The following LARGE1 variants were observed in gnomAD, a reference collection of about 807,000 sequenced individuals.
LARGE1 encodes the protein xylosyl- and glucuronyltransferase LARGE1.
Under a neutral mutation model 87.6 loss-of-function variants are expected in LARGE1, and 43 were observed. The observed-to-expected ratio is 0.49, with a 90% CI of 0.38 to 0.63. The LOEUF (loss-of-function observed/expected upper bound fraction) is 0.63. Among genes scored for constraint, LARGE1 ranks in the 30% least tolerant of loss-of-function variants. The pLI is 0.00. For missense variants in LARGE1, 802 were observed against 1,000.2 expected (o/e 0.80, Z 2.67); for synonymous variants, 434 against 394.6 (o/e 1.10, Z -1.18).
intron 11 of LARGE1, among the ~76,000 whole-genome samples, chr22:33,179,037 T>A (rs7286587): frequency 0.026 from 3,899 of 152,270 alleles, 180 homozygotes; most frequent in African/African-American, 0.09. Flanking sequence ...CAAGAGCATG[T>A]GTGTCAGCCC....
intron 6 of LARGE1, among the ~76,000 whole-genome samples, chr22:33,502,647 C>T (rs1446438150): frequency 2.6e-5 from 4 of 152,068 alleles, no homozygotes; most frequent in Non-Finnish European, 5.9e-5. Context: ...CGGCTCACTG[C>T]AAGCTCCGCC....
At chr22:33,752,951 G>A (rs1272253021) in intron 2 of LARGE1, among the ~76,000 whole-genome samples, 2 of 152,228 alleles carry the variant, frequency 1.3e-5, no homozygotes, top group Admixed American at 6.5e-5. Flanking sequence ...GCCAGGTGGG[G>A]CAGCTCACGC....
intron 1 of LARGE1, among the ~76,000 whole-genome samples, chr22:33,801,378 T>G (rs2086155615): frequency 6.6e-6 from 1 of 152,204 alleles, no homozygotes; most frequent in Non-Finnish European, 1.5e-5. Flanking sequence ...CATCTGATAT[T>G]GTCAGCAAAT....
intron 6 of LARGE1, among the ~76,000 whole-genome samples, chr22:33,462,835 A>G (rs1442792792): frequency 6.6e-6 from 1 of 152,190 alleles, no homozygotes; most frequent in Non-Finnish European, 1.5e-5. Flanking sequence ...CTATCTAATT[A>G]ATGAAATTTG....
At chr22:33,782,758 G>A (rs1018649438) in intron 1 of LARGE1, among the ~76,000 whole-genome samples, 7 of 151,762 alleles carry the variant, frequency 4.6e-5, no homozygotes, top group African/African-American at 7.3e-5. Context: ...CCAGCTACTC[G>A]GGAGGCTGAG....
intron 11 of LARGE1, among the ~76,000 whole-genome samples, chr22:33,220,259 C>T (rs192476472): frequency 6.6e-5 from 10 of 152,276 alleles, no homozygotes; most frequent in African/African-American, 2.2e-4. Flanking sequence ...GACCATCTCT[C>T]TAGGGAGAGA....
intron 2 of LARGE1, among the ~76,000 whole-genome samples, chr22:33,662,464 TC>T (rs1268031012): frequency 1.3e-5 from 2 of 152,034 alleles, no homozygotes; most frequent in African/African-American, 4.8e-5. Flanking sequence ...CCGCCCTTCA[TC>T]CAAACTCCCC....
At chr22:33,884,736 C>A (rs185159055) in intron 1 of LARGE1, among the ~76,000 whole-genome samples, 2 of 152,200 alleles carry the variant, frequency 1.3e-5, no homozygotes, top group South Asian at 2.1e-4. Context: ...TAGTGGCATG[C>A]GTGCACTTAC....
intron 1 of LARGE1, among the ~76,000 whole-genome samples, chr22:33,888,572 C>G (rs1422243311): frequency 6.6e-6 from 1 of 152,166 alleles, no homozygotes; most frequent in Non-Finnish European, 1.5e-5. Context: ...TATCCTCACA[C>G]AGGCTGGGTG....
At position 33,572,235 on chromosome 22, in the gene LARGE1, A is replaced by G. The variant is rs2078227408; in HGVS notation, c.616-7216T>C. ...GTCATCCCAGCTGCAGAATGTTTGA[A>G]AAGTCATTTGCCTTTCATGTTGTTT... On this transcript the variant is annotated intron_variant, in intron 5 of 14. Transcript: ENST00000397394. The G allele has an allele frequency of 7.0e-6, 9 of 1,278,976 alleles. No homozygotes were observed. The South Asian group carries it at 1.0e-4, about 15-fold the overall frequency. 79.2% of individuals were successfully genotyped at this position (1,278,976 alleles called of 1,614,324 possible). A position where few individuals can be genotyped will look rare whatever the true frequency, so the allele number is the denominator to read the frequency against.
intron 1 of LARGE1, among the ~76,000 whole-genome samples, chr22:33,817,671 G>A (rs2086695737): frequency 1.3e-5 from 2 of 152,098 alleles, no homozygotes; most frequent in African/African-American, 4.8e-5. Flanking sequence ...GAAGTTGGGG[G>A]CAGGGAAACT....
intron 2 of LARGE1, among the ~76,000 whole-genome samples, chr22:33,712,849 C>T (rs16992842): frequency 0.016 from 2,381 of 152,200 alleles, 61 homozygotes; most frequent in African/African-American, 0.053. Context: ...TTCCATGGTG[C>T]GGACTCTGTG....
intron 3 of LARGE1, among the ~76,000 whole-genome samples, chr22:33,633,427 T>C (rs193027648): frequency 2.6e-5 from 4 of 152,270 alleles, no homozygotes; most frequent in Admixed American, 1.3e-4. Context: ...AAACATAAAG[T>C]TCTCCATGCT....
intron 10 of LARGE1, among the ~76,000 whole-genome samples, chr22:33,321,999 A>G (rs1297200560): frequency 6.6e-6 from 1 of 152,108 alleles, no homozygotes; most frequent in Admixed American, 6.5e-5. Context: ...TTGTATTTTT[A>G]GTAGAGACAG....
intron 6 of LARGE1, among the ~76,000 whole-genome samples, chr22:33,554,993 G>C (rs1340134717): frequency 6.6e-6 from 1 of 152,158 alleles, no homozygotes; most frequent in Non-Finnish European, 1.5e-5. Flanking sequence ...CACACCCATG[G>C]GTTCTGCATC....
chr22:33,849,931 T>G (rs912991137), intron 1 of LARGE1, among the ~76,000 whole-genome samples: 4 of 152,150 alleles, frequency 2.6e-5, no homozygotes, highest in African/African-American at 9.7e-5. Flanking sequence ...TACTAAGGTA[T>G]AGGTACAGTT....
Position 33,225,796 on chromosome 22 carries a change from A to G in LARGE1, c.1731-58964T>C, listed in dbSNP as rs1005500888. Among the ~76,000 whole-genome samples, 32 of 152,154 alleles carry G rather than the reference A, an allele frequency of 2.1e-4. 1 individual carries two copies. The highest frequency in any genetic ancestry group is 6.5e-4 in the African/African-American group (27 of 41,426). On this transcript the variant is annotated intron_variant, in intron 11 of 11. Coordinates refer to the LARGE1 transcript ENST00000608642. ...CTCATCATTTAGCTCTCACTTATAA[A>G]TGATAACATGTGGTATTCTATTTTC...
intron 6 of LARGE1, among the ~76,000 whole-genome samples, chr22:33,548,497 T>A (rs2077431393): frequency 6.6e-6 from 1 of 152,094 alleles, no homozygotes; most frequent in Non-Finnish European, 1.5e-5. Context: ...CTCACTGCAA[T>A]CTCCACCTCC....
intron 11 of LARGE1, among the ~76,000 whole-genome samples, chr22:33,232,791 A>G (rs1926072433): frequency 6.6e-6 from 1 of 152,196 alleles, no homozygotes; most frequent in Non-Finnish European, 1.5e-5. Context: ...ATGGGGGAGT[A>G]ACGGCAGCCA....
Sources: allele counts gnomAD v4.1 joint callset (sites outside exome capture counted in the v4.1 genomes callset), GRCh38; gene constraint gnomAD v4.1.1; transcripts MANE v1.5; gene names NCBI Gene and HGNC (gene_info 2026-07-23, HGNC 2026-07-21).